Variants in ANKRD16 observed in about 807,000 individuals in gnomAD.
The protein encoded by ANKRD16 is ankyrin repeat domain 16, also known as ankyrin repeat domain-containing protein 16.
Under a neutral mutation model 37.9 loss-of-function variants are expected in ANKRD16, and 35 were observed. That is an observed-to-expected ratio of 0.92 (90% CI 0.71 to 1.23). The LOEUF (loss-of-function observed/expected upper bound fraction) is 1.23, where lower values mean the gene tolerates loss of function less well. Ranked by LOEUF, ANKRD16 falls within the 50% of genes most tolerant of loss-of-function variation. ANKRD16 has a pLI of 0.00. For synonymous variants in ANKRD16, 206 were observed against 197.2 expected, an observed-to-expected ratio of 1.04 and a Z score of -0.37; for missense variants, 480 against 469.9, an observed-to-expected ratio of 1.02 and a Z score of -0.20.
In ANKRD16 at chr10:5,889,043, G is replaced by GTA; in HGVS notation, c.311_312insTA (p.Trp105ThrfsTer5). The GTA allele has an allele frequency of 2.0e-6, 3 of 1,534,100 alleles. No homozygotes were observed. Among genetic ancestry groups the GTA allele is most frequent in the Non-Finnish European group, 1.7e-6 (2 of 1,146,548 alleles). On this transcript the variant is annotated frameshift_variant, in exon 1 of 8. Transcript: ENST00000380094. LOFTEE classifies it high-confidence loss of function. ...GTGTCTTTCCGCTCCACACCTACCA[G>GTA]TCGGCCTTCTTCAGGCAGTCGACCG...
Position 5,889,267 on chromosome 10 carries a change from C to G in ANKRD16, c.88G>C (p.Gly30Arg). 6.8e-7 allele frequency: 1 copy of G among 1,468,106 alleles called. No homozygotes were observed. Among genetic ancestry groups the G allele is most frequent in the Non-Finnish European group, 8.9e-7 (1 of 1,117,824 alleles). 90.9% of individuals were successfully genotyped at this position (1,468,106 alleles called of 1,614,324 possible). ...TCCCCGGCCGGCCCCGGGCAGCCCC[C>G]GGCCGCCTGCAGCTCCTCCTTCAGG... Reference protein sequence around the residue: ...RALKEELQAAGGCPGPAGDTL... With the variant: ...RALKEELQAARGCPGPAGDTL... Residue 30 changes from glycine (G) to arginine (R), a missense_variant, in exon 1 of 8, where the codon GGG becomes CGG. Physicochemically the swap from Gly to Arg is moderately radical, Grantham distance 125. Coordinates refer to ENST00000380094, the MANE Select transcript of ANKRD16 (RefSeq NM_019046.3).
At chr10:5,882,213 G>A (rs1842328136) in intron 5 of ANKRD16, among the ~76,000 whole-genome samples, 1 of 152,180 alleles carries the variant, frequency 6.6e-6, no homozygotes, top group Non-Finnish European at 1.5e-5. Context: ...CCAGCTGCTC[G>A]AAAGCAGGAC....
intron 4 of ANKRD16, 69 bp from the exon 5 acceptor site, chr10:5,883,236 C>T (rs1462724668): frequency 1.3e-6 from 2 of 1,525,180 alleles, no homozygotes; most frequent in East Asian, 2.3e-5. Context: ...ATCTGGGCAT[C>T]TGCTGGCACT....
chr10:5,872,030 G>C (rs922105626), intron 7 of ANKRD16, among the ~76,000 whole-genome samples: 2 of 151,938 alleles, frequency 1.3e-5, no homozygotes, highest in African/African-American at 4.8e-5. Context: ...AGTTGAATTT[G>C]ACAGAGATTA....
rs1842156521 is a variant in ANKRD16 at position 5,874,550 on chromosome 10, G to C, written c.*33+3547C>G. Among the ~76,000 whole-genome samples, 1 of 152,148 alleles carries C rather than the reference G, an allele frequency of 6.6e-6. No individual in the cohort carries two copies. Among genetic ancestry groups the C allele is most frequent in the Non-Finnish European group, 1.5e-5 (1 of 68,030 alleles). ...CCGCCCAGCAGCTGTCCTCTGCAGGGACTCCTTAAGAGGGAGGAGTCATGA... is the reference window on the plus strand; with the variant it reads ...CCGCCCAGCAGCTGTCCTCTGCAGGCACTCCTTAAGAGGGAGGAGTCATGA... On this transcript the variant is annotated intron_variant, in intron 7 of 7. Transcript: ENST00000380094. The surrounding 1 kb of genome is among the most constrained non-coding windows in gnomAD (Gnocchi z 4.7).
In ANKRD16 at chr10:5,888,158, C is replaced by T. The variant is rs1842478197; in HGVS notation, c.315-91G>A. On this transcript the variant is annotated intron_variant, in intron 1 of 7. Transcript: ENST00000380094. Reference sequence around the variant, plus strand: ...CTTCAAAACACACACATCCTTGGCACAGATGGAAAACCTAGAGGATTCAGG... The same window carrying T: ...CTTCAAAACACACACATCCTTGGCATAGATGGAAAACCTAGAGGATTCAGG... 6 of 1,210,866 alleles carry T rather than the reference C, an allele frequency of 5.0e-6. No homozygotes were observed. The African/African-American group carries it at 7.5e-5, about 15-fold the overall frequency. The allele number at this position is 1,210,866 out of a possible 1,614,324, so 75.0% of individuals were successfully genotyped here.
At position 5,880,369 on chromosome 10, in the gene ANKRD16, T is replaced by G. The variant is rs769429813; in HGVS notation, c.857A>C (p.His286Pro). ...TALHYAAKEG[H>P]TSTIQTLLSL... The stretch of plus-strand genomic sequence containing the variant: ...TAAGAGAGTCTGAATTGTACTTGTA[T>G]GTCCTTCCTGAATTGAAACAAATTT... The change falls in exon 6 of 8, where the codon CAT becomes CCT. Residue 286 changes from histidine (H) to proline (P), a missense_variant. Coordinates refer to ENST00000380094, the MANE Select transcript of ANKRD16 (RefSeq NM_019046.3). The G allele has an allele frequency of 2.4e-5, 39 of 1,596,412 alleles. No individual in the cohort carries two copies. The highest frequency in any genetic ancestry group is 3.2e-5 in the Non-Finnish European group (38 of 1,173,398).
rs774351846 is a variant in ANKRD16 at position 5,878,127 on chromosome 10, T to C, written c.*3A>G. ...ACTTTATTGCCTCCTCTTGGAAACA[T>C]CCTTATGTCATTGCGCTATGGCCAG... is the stretch of plus-strand genomic sequence containing the variant. On this transcript the variant is annotated 3_prime_UTR_variant, in exon 7 of 8. Transcript: ENST00000380094. The surrounding 1 kb of genome is among the most constrained non-coding windows in gnomAD (Gnocchi z 5.1). 5 of 1,613,448 alleles carry C rather than the reference T, an allele frequency of 3.1e-6. No individual in the cohort carries two copies. The highest frequency in any genetic ancestry group is 4.2e-6 in the Non-Finnish European group (5 of 1,179,718).
At position 5,868,113 on chromosome 10, in the gene ANKRD16, T is replaced by C. The variant is rs531227411; in HGVS notation, c.*34-5422A>G. Among the ~76,000 whole-genome samples the C allele has an allele frequency of 1.3e-5, 2 of 152,356 alleles. No homozygotes were observed. Among genetic ancestry groups the C allele is most frequent in the East Asian group, 1.9e-4 (1 of 5,192 alleles). On this transcript the variant is annotated intron_variant, in intron 7 of 7. Coordinates refer to ENST00000380094, the MANE Select transcript of ANKRD16 (RefSeq NM_019046.3). This position sits in a 1 kb window ranked among gnomAD's most constrained non-coding sequence, Gnocchi z 4.9. Reference sequence around the variant, plus strand: ...CTAGGTCCCGTGACATCCATCTTGCTATTACTCACCTTTGGGCCCTGTATT... The same window carrying C: ...CTAGGTCCCGTGACATCCATCTTGCCATTACTCACCTTTGGGCCCTGTATT...
chr10:5,887,169 T>C (rs1038053870), intron 2 of ANKRD16, among the ~76,000 whole-genome samples: 3 of 152,212 alleles, frequency 2.0e-5, no homozygotes, highest in Admixed American at 2.0e-4. Context: ...CTGACATTAT[T>C]ATTTGGTTGA....
At chr10:5,876,382 CA>C (rs1842185934) in intron 7 of ANKRD16, among the ~76,000 whole-genome samples, 1 of 152,218 alleles carries the variant, frequency 6.6e-6, no homozygotes, top group Admixed American at 6.5e-5. Context: ...ATCGTGCACG[CA>C]GCTGCTGCAA....
rs869185709 is a variant in ANKRD16 at position 5,881,438 on chromosome 10, T to TTATATATATATATATATA, written c.850-1080_850-1063dup. 2.7e-4 allele frequency among the ~76,000 whole-genome samples: 14 copies of TTATATATATATATATATA among 50,944 alleles called. 1 individual carries two copies. Among genetic ancestry groups the TTATATATATATATATATA allele is most frequent in the Admixed American group, 7.6e-4 (3 of 3,968 alleles). The allele number at this position is 50,944 out of a possible 152,430, so 33.4% of individuals were successfully genotyped here. On this transcript the variant is annotated intron_variant, in intron 5 of 7. Transcript: ENST00000380094. ...ATATTTTATAAAATAAAAATATTAT[T>TTATATATATATATATATA]TATATATATATATATATATATATAT...
rs1471141068 is a variant in ANKRD16, at chr10:5,878,300, A to G, written c.929-13T>C. 8 of 1,609,140 alleles carry G rather than the reference A, an allele frequency of 5.0e-6. No homozygotes were observed. In the South Asian group the frequency reaches 8.8e-5, roughly 18 times the overall value. On this transcript the variant is annotated splice_polypyrimidine_tract_variant and intron_variant, in intron 6 of 7. Transcript: ENST00000380094. The surrounding 1 kb of genome is among the most constrained non-coding windows in gnomAD (Gnocchi z 5.1). ...GCCAGATGCAGGGCTGAGGGGTGAC[A>G]AAAATCACATGGACTTAAAACACAA...
At chr10:5,872,620 G>T (rs191586065) in intron 7 of ANKRD16, among the ~76,000 whole-genome samples, 3 of 151,826 alleles carry the variant, frequency 2.0e-5, no homozygotes, top group Non-Finnish European at 4.4e-5. Flanking sequence ...GCAGTGGCGC[G>T]ATCTCAGCTC....
rs1554795383 is a variant in ANKRD16 at position 5,870,056 on chromosome 10, C to CA, written c.*34-7366dup. 6.6e-6 allele frequency among the ~76,000 whole-genome samples: 1 copy of CA among 152,102 alleles called. No homozygotes were observed. Among genetic ancestry groups the CA allele is most frequent in the Non-Finnish European group, 1.5e-5 (1 of 68,030 alleles). On this transcript the variant is annotated intron_variant, in intron 7 of 7. Transcript: ENST00000380094. The surrounding 1 kb of genome is among the most constrained non-coding windows in gnomAD (Gnocchi z 5.0). Reference sequence around the variant, plus strand: ...TTAACAAGACTCTAGTTGCTTCGTACAGACATTAGACTCATTCCTCCTCCT... The same window carrying CA: ...TTAACAAGACTCTAGTTGCTTCGTACAAGACATTAGACTCATTCCTCCTCCT...
chr10:5,883,024 T>C lies in ANKRD16; in HGVS notation c.831A>G (p.Ala277=), dbSNP rs1482639236. 2 of 1,613,746 alleles carry C rather than the reference T, an allele frequency of 1.2e-6. No homozygotes were observed. Among genetic ancestry groups the C allele is most frequent in the Non-Finnish European group, 1.7e-6 (2 of 1,180,010 alleles). Reference sequence around the variant, plus strand: ...AACAAACCTTAGCTGCATAATGAAGTGCTGTGAGGTGGGTTGATGTGGCTC... The same window carrying C: ...AACAAACCTTAGCTGCATAATGAAGCGCTGTGAGGTGGGTTGATGTGGCTC... The part of the protein sequence containing the change: ...DVRATSTHLT[A]LHYAAKEGHT... Residue 277 remains alanine (A), a synonymous_variant, in exon 5 of 8, where the codon GCA becomes GCG. Coordinates refer to ENST00000380094, the MANE Select transcript of ANKRD16 (RefSeq NM_019046.3).
In ANKRD16 at chr10:5,878,063, C is replaced by T; in HGVS notation, c.*33+34G>A. On this transcript the variant is annotated intron_variant, in intron 7 of 7. Transcript: ENST00000380094. This position sits in a 1 kb window ranked among gnomAD's most constrained non-coding sequence, Gnocchi z 5.1. The stretch of plus-strand genomic sequence containing the variant: ...TGGCTTCCAACTGGTTTCGCTGAAT[C>T]TGTGACTGACTTAAGAAGCAGGATA... 6.4e-7 allele frequency: 1 copy of T among 1,553,320 alleles called. No individual in the cohort carries two copies. The highest frequency in any genetic ancestry group is 8.7e-7 in the Non-Finnish European group (1 of 1,148,500).
chr10:5,881,543 C>A lies in ANKRD16; in HGVS notation c.850-1167G>T, dbSNP rs1842317152. ...GCAGTGGCATGATCTTGGCTCACTG[C>A]AACCTCCACCTCCCGGGTTCAAGCG... On this transcript the variant is annotated intron_variant, in intron 5 of 7. Transcript: ENST00000380094. Among the ~76,000 whole-genome samples, 3 of 142,958 alleles carry A rather than the reference C, an allele frequency of 2.1e-5. No homozygotes were observed. In the South Asian group the frequency reaches 6.8e-4, roughly 32 times the overall value. 93.8% of individuals were successfully genotyped at this position (142,958 alleles called of 152,430 possible). A position where few individuals can be genotyped will look rare whatever the true frequency, so the allele number is the denominator to read the frequency against.
intron 5 of ANKRD16, among the ~76,000 whole-genome samples, chr10:5,880,861 T>C (rs1488635615): frequency 2.0e-5 from 3 of 152,206 alleles, no homozygotes; most frequent in Non-Finnish European, 2.9e-5. Context: ...ACGTTTTTAT[T>C]TTCCTTTCAC....
Sources: allele counts gnomAD v4.1 joint callset (sites outside exome capture counted in the v4.1 genomes callset), GRCh38; gene constraint gnomAD v4.1.1; non-coding constraint Gnocchi (gnomAD v3.1); transcripts MANE v1.5; gene names NCBI Gene and HGNC (gene_info 2026-07-23, HGNC 2026-07-21).